Variants in PTPDC1 observed in about 807,000 individuals in gnomAD.
PTPDC1 encodes the protein protein tyrosine phosphatase domain-containing protein 1.
PTPDC1 carries 53 observed loss-of-function variants against 75.3 expected under a neutral mutation model. That is an observed-to-expected ratio of 0.70 (90% CI 0.56 to 0.88). The LOEUF is 0.88. PTPDC1 is among the 40% of genes least tolerant of loss of function. PTPDC1 has a pLI of 0.00. For synonymous variants in PTPDC1, 349 were observed against 366.2 expected (o/e 0.95, Z 0.54); for missense variants, 925 against 998.6 (o/e 0.93, Z 0.99).
chr9:94,067,648 C>T (rs1826357503), intron 2 of PTPDC1, among the ~76,000 whole-genome samples: 1 of 152,152 alleles, frequency 6.6e-6, no homozygotes, highest in Admixed American at 6.5e-5. Context: ...GTCTCCCAGG[C>T]TGGAGTGCAG....
intron 1 of PTPDC1, among the ~76,000 whole-genome samples, chr9:94,054,785 A>G (rs1825885956): frequency 6.6e-6 from 1 of 152,236 alleles, no homozygotes; most frequent in African/African-American, 2.4e-5. Context: ...ACAAACCAAC[A>G]GGAAATCCCC....
chr9:94,051,213 A>G (rs1825781967), intron 1 of PTPDC1, among the ~76,000 whole-genome samples: 1 of 152,096 alleles, frequency 6.6e-6, no homozygotes, highest in Non-Finnish European at 1.5e-5. Flanking sequence ...CGCTGCACCC[A>G]CTGTCCTGCA....
chr9:94,107,938 C>CCT lies in PTPDC1; in HGVS notation c.2424_2425dup (p.Ter809SerfsTer7). ...TGACAAAAGATGGCCCTAAGCCTGG[C>CCT]CTCTAGCTTTCACTCGTGGTGAATA... is the stretch of plus-strand genomic sequence containing the variant. On this transcript the variant is annotated frameshift_variant, in exon 9 of 9. Transcript: ENST00000620992. LOFTEE classifies it high-confidence loss of function. 6.4e-7 allele frequency: 1 copy of CCT among 1,573,444 alleles called. No homozygotes were observed.
chr9:94,098,995 C>T (rs568556325), intron 6 of PTPDC1, among the ~76,000 whole-genome samples: 2 of 152,320 alleles, frequency 1.3e-5, no homozygotes, highest in East Asian at 3.9e-4. Context: ...TTTTTCAAAG[C>T]TCATCAACAC....
intron 6 of PTPDC1, among the ~76,000 whole-genome samples, chr9:94,099,009 T>C (rs1205988614): frequency 6.6e-6 from 1 of 152,228 alleles, no homozygotes; most frequent in Non-Finnish European, 1.5e-5. Context: ...TCAACACTGG[T>C]GCTGAGCAAG....
intron 1 of PTPDC1, among the ~76,000 whole-genome samples, chr9:94,052,826 T>C (rs1825827476): frequency 6.6e-6 from 1 of 152,190 alleles, no homozygotes; most frequent in Admixed American, 6.5e-5. Flanking sequence ...GGTGATCTGA[T>C]GGGTATCAAT....
At chr9:94,052,957 A>C (rs1825829738) in intron 1 of PTPDC1, among the ~76,000 whole-genome samples, 1 of 152,228 alleles carries the variant, frequency 6.6e-6, no homozygotes, top group South Asian at 2.1e-4. Flanking sequence ...TGCTTGTGGG[A>C]AAAAGGATGG....
At chr9:94,046,777 C>A (rs546940126) in intron 1 of PTPDC1, among the ~76,000 whole-genome samples, 9 of 152,322 alleles carry the variant, frequency 5.9e-5, no homozygotes, top group African/African-American at 2.2e-4. Flanking sequence ...GATATACAAT[C>A]ATGTCATCTG....
At chr9:94,040,605 A>C (rs1362390061) in intron 1 of PTPDC1, among the ~76,000 whole-genome samples, 2 of 152,150 alleles carry the variant, frequency 1.3e-5, no homozygotes, top group Non-Finnish European at 2.9e-5. Context: ...TAATAGAATA[A>C]ATAACATATA....
intron 5 of PTPDC1, 41 bp from the exon 6 acceptor site, chr9:94,097,280 T>C (rs371446758): frequency 1.6e-6 from 2 of 1,279,100 alleles, no homozygotes; most frequent in African/African-American, 3.0e-5. Flanking sequence ...AATAAAAATG[T>C]AAGCTTTTCT....
At position 94,094,802 on chromosome 9, in the gene PTPDC1, C is replaced by G. The variant is rs79982950; in HGVS notation, c.617-515C>G. Among the ~76,000 whole-genome samples, 45 of 152,306 alleles carry G rather than the reference C, an allele frequency of 3.0e-4. 1 individual carries two copies. The highest frequency in any genetic ancestry group is 1.1e-3 in the African/African-American group (44 of 41,572). On this transcript the variant is annotated intron_variant, in intron 4 of 8. Transcript: ENST00000620992. ...TGGTGCGCAGTTTTTTAAGCCCGTC[C>G]GAAAAGCGCAGTGTTCGGGTGGGAG... is the stretch of plus-strand genomic sequence containing the variant.
upstream of PTPDC1, among the ~76,000 whole-genome samples, chr9:94,081,144 T>A (rs1826870377): frequency 6.6e-6 from 1 of 151,896 alleles, no homozygotes; most frequent in African/African-American, 2.4e-5. Flanking sequence ...CATGCGCCAC[T>A]ACACCCAGCC....
chr9:94,045,017 C>T (rs1438208599), intron 1 of PTPDC1, among the ~76,000 whole-genome samples: 2 of 115,588 alleles, frequency 1.7e-5, no homozygotes, highest in African/African-American at 3.4e-5. Context: ...CAACAGTTCT[C>T]GGTGTGTGAT....
At chr9:94,052,138 A>G (rs1218974632) in intron 1 of PTPDC1, among the ~76,000 whole-genome samples, 2 of 152,188 alleles carry the variant, frequency 1.3e-5, no homozygotes, top group African/African-American at 4.8e-5. Context: ...GCTATTAAGT[A>G]CATTCACATT....
At chr9:94,092,342 C>T (rs1340631822) in intron 4 of PTPDC1, among the ~76,000 whole-genome samples, 2 of 141,744 alleles carry the variant, frequency 1.4e-5, no homozygotes, top group African/African-American at 5.4e-5. Flanking sequence ...TCGTTATGTA[C>T]CCAGTAGTCA....
intron 5 of PTPDC1, among the ~76,000 whole-genome samples, chr9:94,096,530 CTG>C (rs757870023): frequency 4.0e-4 from 61 of 152,192 alleles, no homozygotes; most frequent in South Asian, 6.2e-4. Flanking sequence ...TATTAATTGA[CTG>C]TTATATTTGA....
intron 2 of PTPDC1, among the ~76,000 whole-genome samples, chr9:94,086,920 C>T (rs1827093371): frequency 6.6e-6 from 1 of 152,214 alleles, no homozygotes; most frequent in African/African-American, 2.4e-5. Context: ...ATTACAGTAA[C>T]TCAGTATTTA....
At chr9:94,076,876 A>G (rs1826712298) in intron 2 of PTPDC1, among the ~76,000 whole-genome samples, 1 of 152,102 alleles carries the variant, frequency 6.6e-6, no homozygotes, top group Admixed American at 6.6e-5. Context: ...TAGCCATCCT[A>G]GTAGGTATGA....
At chr9:94,036,924 G>C (rs1172728728) in intron 1 of PTPDC1, among the ~76,000 whole-genome samples, 1 of 152,162 alleles carries the variant, frequency 6.6e-6, no homozygotes, top group East Asian at 1.9e-4. Flanking sequence ...CCTTCAAAAG[G>C]AAAGTTACCT....
Sources: allele counts gnomAD v4.1 joint callset (sites outside exome capture counted in the v4.1 genomes callset), GRCh38; gene constraint gnomAD v4.1.1; transcripts MANE v1.5; gene names NCBI Gene and HGNC (gene_info 2026-07-23, HGNC 2026-07-21).